KLRG1: variants seen among roughly 807,000 people sequenced by gnomAD.
KLRG1 encodes killer cell lectin like receptor G1.
A neutral mutation model predicts 21.8 loss-of-function variants in KLRG1; 16 were observed. The observed-to-expected ratio is 0.73, with a 90% CI of 0.50 to 1.11. KLRG1 has a LOEUF of 1.11. Among genes scored for constraint, KLRG1 ranks in the 50% most tolerant of loss-of-function variants. The pLI is 0.00. For missense variants in KLRG1, 173 were observed against 218.3 expected (o/e 0.79, Z 1.31); for synonymous variants, 69 against 75.9 (o/e 0.91, Z 0.47).
chr12:9,160,837 C>A, the KLRG1 span, among the ~76,000 whole-genome samples: 6 of 151,910 alleles, frequency 3.9e-5, no homozygotes, highest in African/African-American at 1.5e-4. Context: ...ATGGCGTGAA[C>A]CCAGGAGGCG....
chr12:9,116,985 A>G, the KLRG1 span, among the ~76,000 whole-genome samples: 1 of 152,184 alleles, frequency 6.6e-6, no homozygotes, highest in African/African-American at 2.4e-5. Context: ...CACATAAGAG[A>G]GCACATAACC....
At chr12:9,000,068 C>T (rs1947260642) in intron 3 of KLRG1, among the ~76,000 whole-genome samples, 1 of 151,988 alleles carries the variant, frequency 6.6e-6, no homozygotes, top group African/African-American at 2.4e-5. Context: ...CAATATAAAG[C>T]CCAGAGCCAA....
the KLRG1 span, among the ~76,000 whole-genome samples, chr12:9,197,562 T>A: frequency 2.6e-5 from 3 of 114,338 alleles, no homozygotes; most frequent in African/African-American, 1.0e-4. Context: ...TAATATATAA[T>A]GTAATATATA....
rs781089873 is a variant in KLRG1, at chr12:9,009,001, G to A, written c.384G>A (p.Glu128=). The change falls in exon 4 of 5, where the codon GAG becomes GAA. Residue 128 remains glutamate, a synonymous_variant. Transcript: ENST00000356986. ...EMSLLQVFLS[E]AFCWIGLRNN... The stretch of plus-strand genomic sequence containing the variant: ...GCCTGCTCCAAGTTTTCCTCAGTGA[G>A]GCCTTTTGCTGGATTGGTCTGAGGA... The A allele has an allele frequency of 1.3e-5, 21 of 1,613,728 alleles. No individual in the cohort carries two copies. Among genetic ancestry groups the A allele is most frequent in the Non-Finnish European group, 1.6e-5 (19 of 1,179,908 alleles).
the KLRG1 span, among the ~76,000 whole-genome samples, chr12:9,019,954 C>T: frequency 1.3e-5 from 2 of 152,176 alleles, no homozygotes; most frequent in Non-Finnish European, 2.9e-5. Context: ...CTAAATCTCA[C>T]TCTTTTCCTC....
chr12:9,182,938 T>G, the KLRG1 span, among the ~76,000 whole-genome samples: 1 of 152,214 alleles, frequency 6.6e-6, no homozygotes, highest in African/African-American at 2.4e-5. Context: ...CTGTCCCAGA[T>G]TCCCAGCTAT....
chr12:9,136,114 T>C, the KLRG1 span, among the ~76,000 whole-genome samples: 1 of 152,132 alleles, frequency 6.6e-6, no homozygotes, highest in Admixed American at 6.5e-5. Flanking sequence ...TGGTCAGACT[T>C]TGTATTGTGT....
At chr12:9,157,133 A>T in the KLRG1 span, 1 of 1,574,804 alleles carries the variant, frequency 6.3e-7, no homozygotes, top group Non-Finnish European at 8.7e-7. Flanking sequence ...CCCTGTGTCT[A>T]TGTGTTCTCA....
the KLRG1 span, among the ~76,000 whole-genome samples, chr12:9,123,892 C>T: frequency 2.2e-4 from 31 of 143,854 alleles, no homozygotes; most frequent in East Asian, 5.2e-3. Context: ...ATATCTTATC[C>T]TACCAAACAG....
chr12:9,196,891 C>T, the KLRG1 span: 11 of 845,898 alleles, frequency 1.3e-5, no homozygotes, highest in African/African-American at 3.4e-5. Flanking sequence ...AACAGAAATT[C>T]GTTTTTTGGT....
At chr12:9,196,736 T>C in the KLRG1 span, 3 of 1,429,074 alleles carry the variant, frequency 2.1e-6, no homozygotes, top group African/African-American at 2.8e-5. Context: ...AGATCAATAG[T>C]CACTGAATCT....
chr12:9,190,497 G>A, the KLRG1 span, among the ~76,000 whole-genome samples: 1 of 152,114 alleles, frequency 6.6e-6, no homozygotes, highest in African/African-American at 2.4e-5. Flanking sequence ...CCTATCTGAG[G>A]GTGGAGGGCG....
At position 8,995,141 on chromosome 12, in the gene KLRG1, C is replaced by T; in HGVS notation, c.210C>T (p.Ala70=). Reference sequence around the variant, plus strand: ...TAGGCTCCAACTACTCCACTTGTGCCAGCTGTCCTAGCTGCCCAGACCGCT... The same window carrying T: ...TAGGCTCCAACTACTCCACTTGTGCTAGCTGTCCTAGCTGCCCAGACCGCT... ...LCQGSNYSTC[A]SCPSCPDRWM... is the part of the protein sequence containing the mutation. The change falls in exon 3 of 5, where the codon GCC becomes GCT. Residue 70 remains alanine (A), a synonymous_variant. Transcript: ENST00000356986. The T allele has an allele frequency of 1.2e-6, 2 of 1,608,186 alleles. No individual in the cohort carries two copies. Among genetic ancestry groups the T allele is most frequent in the Non-Finnish European group, 1.7e-6 (2 of 1,177,776 alleles).
intron 1 of KLRG1, among the ~76,000 whole-genome samples, chr12:8,956,038 G>GA (rs1946286892): frequency 6.6e-6 from 1 of 152,236 alleles, no homozygotes. Flanking sequence ...CCACCTTTGG[G>GA]TCCCCTCTCT....
At chr12:9,053,624 G>T in the KLRG1 span, among the ~76,000 whole-genome samples, 1 of 152,074 alleles carries the variant, frequency 6.6e-6, no homozygotes, top group South Asian at 2.1e-4. Flanking sequence ...GGGGAGAAAT[G>T]AAAATAAACC....
the KLRG1 span, among the ~76,000 whole-genome samples, chr12:9,130,725 A>G: frequency 6.7e-6 from 1 of 149,240 alleles, no homozygotes; most frequent in Non-Finnish European, 1.5e-5. Context: ...TTCTTTGTAA[A>G]TTTTTTTTTC....
At chr12:8,957,759 T>C (rs1946319271) in intron 1 of KLRG1, among the ~76,000 whole-genome samples, 1 of 152,210 alleles carries the variant, frequency 6.6e-6, no homozygotes. Context: ...CCAGCGTGTT[T>C]CCACTGGATG....
Position 9,009,980 on chromosome 12 carries a change from T to G in KLRG1, c.*443T>G, listed in dbSNP as rs1565555475. ...TCTGTACATTACTGATCCCTGATGG[T>G]ATATTTCTATCCTAACAGTGTCCCT... On this transcript the variant is annotated 3_prime_UTR_variant, in exon 5 of 5. Coordinates refer to ENST00000356986, the MANE Select transcript of KLRG1 (RefSeq NM_005810.4). The G allele has an allele frequency of 4.6e-6, 7 of 1,533,406 alleles. No individual in the cohort carries two copies. Among genetic ancestry groups the G allele is most frequent in the Non-Finnish European group, 5.2e-6 (6 of 1,144,994 alleles). The allele number at this position is 1,533,406 out of a possible 1,614,324, so 95.0% of individuals were successfully genotyped here.
chr12:9,147,222 T>G, the KLRG1 span, among the ~76,000 whole-genome samples: 1 of 152,214 alleles, frequency 6.6e-6, no homozygotes, highest in Non-Finnish European at 1.5e-5. Flanking sequence ...GGATCTATAG[T>G]GCCTACCAGT....
Sources: allele counts gnomAD v4.1 joint callset (sites outside exome capture counted in the v4.1 genomes callset), GRCh38; gene constraint gnomAD v4.1.1; transcripts MANE v1.5; gene names NCBI Gene and HGNC (gene_info 2026-07-23, HGNC 2026-07-21).